HYAL4: variants seen among roughly 807,000 people sequenced by gnomAD.
HYAL4 encodes the protein hyaluronidase-4.
HYAL4 carries 37 observed loss-of-function variants against 35.2 expected under a neutral mutation model. The observed-to-expected ratio is 1.05, with a 90% CI of 0.81 to 1.38. HYAL4 has a LOEUF of 1.38. Ranked by LOEUF, HYAL4 falls within the 40% of genes most tolerant of loss-of-function variation. The pLI, the probability that HYAL4 is intolerant of heterozygous loss-of-function variation, is 0.00. For synonymous variants in HYAL4, 198 were observed against 203.2 expected (o/e 0.97, Z 0.22); for missense variants, 572 against 572.4 (o/e 1.00, Z 0.01).
intron 2 of HYAL4, among the ~76,000 whole-genome samples, chr7:123,855,654 G>A (rs528419648): frequency 1.3e-5 from 2 of 152,028 alleles, no homozygotes; most frequent in East Asian, 3.9e-4. Flanking sequence ...TTTAACCTTG[G>A]GTAATCTGAC....
At chr7:123,805,740 G>T in the HYAL4 span, among the ~76,000 whole-genome samples, 1 of 152,154 alleles carries the variant, frequency 6.6e-6, no homozygotes, top group African/African-American at 2.4e-5. Flanking sequence ...GTTACATTAT[G>T]TAATATATTT....
chr7:123,786,724 A>G, the HYAL4 span, among the ~76,000 whole-genome samples: 2 of 151,396 alleles, frequency 1.3e-5, no homozygotes, highest in Admixed American at 6.6e-5. Flanking sequence ...CTATCTATCT[A>G]TCTATCTATC....
At chr7:123,780,369 A>G in the HYAL4 span, among the ~76,000 whole-genome samples, 1 of 152,182 alleles carries the variant, frequency 6.6e-6, no homozygotes, top group South Asian at 2.1e-4. Flanking sequence ...TTCCCTATTT[A>G]ATAAAACAGG....
intron 1 of HYAL4, among the ~76,000 whole-genome samples, chr7:123,832,192 C>T (rs1245633400): frequency 6.6e-6 from 1 of 152,076 alleles, no homozygotes; most frequent in African/African-American, 2.4e-5. Flanking sequence ...AATTTGTCCT[C>T]CACCCATTTC....
chr7:123,832,549 G>T (rs527673131), intron 1 of HYAL4, among the ~76,000 whole-genome samples: 13 of 129,602 alleles, frequency 1.0e-4, no homozygotes, highest in African/African-American at 3.8e-4. Flanking sequence ...GCTCAGGCTG[G>T]AGTGCAGCGG....
the HYAL4 span, among the ~76,000 whole-genome samples, chr7:123,772,243 T>A: frequency 6.6e-6 from 1 of 152,182 alleles, no homozygotes; most frequent in Non-Finnish European, 1.5e-5. Flanking sequence ...TCCTACTGGT[T>A]TTGTTTCTCT....
At chr7:123,832,287 T>A (rs147224101) in intron 1 of HYAL4, among the ~76,000 whole-genome samples, 1 of 151,986 alleles carries the variant, frequency 6.6e-6, no homozygotes, top group African/African-American at 2.4e-5. Context: ...TTCTTAAAAT[T>A]TTTTTTATTT....
chr7:123,796,901 T>C, the HYAL4 span, among the ~76,000 whole-genome samples: 6 of 152,166 alleles, frequency 3.9e-5, no homozygotes, highest in African/African-American at 1.4e-4. Context: ...GGCAAATCTA[T>C]GAAGATAGAA....
the HYAL4 span, among the ~76,000 whole-genome samples, chr7:123,781,188 C>G: frequency 2.3e-5 from 1 of 43,602 alleles, no homozygotes; most frequent in Non-Finnish European, 4.1e-5. Context: ...ATTGTATGCT[C>G]CATCTACTGA....
chr7:123,779,527 AAAT>A, the HYAL4 span, among the ~76,000 whole-genome samples: 1 of 152,138 alleles, frequency 6.6e-6, no homozygotes. Flanking sequence ...AATATAATGA[AAAT>A]AATGGTGATG....
the HYAL4 span, among the ~76,000 whole-genome samples, chr7:123,790,350 G>A: frequency 6.6e-6 from 1 of 152,176 alleles, no homozygotes; most frequent in South Asian, 2.1e-4. Flanking sequence ...TGACAAATCT[G>A]AGGCACAGAG....
At chr7:123,871,144 A>G (rs1168650771) in intron 3 of HYAL4, among the ~76,000 whole-genome samples, 1 of 151,692 alleles carries the variant, frequency 6.6e-6, no homozygotes, top group African/African-American at 2.4e-5. Context: ...GTTTTAAACT[A>G]TAAGTGTACC....
At chr7:123,860,914 T>A (rs1406045424) in intron 2 of HYAL4, among the ~76,000 whole-genome samples, 1 of 152,204 alleles carries the variant, frequency 6.6e-6, no homozygotes, top group East Asian at 1.9e-4. Flanking sequence ...GAGAGATAGA[T>A]GATAGGTTGC....
chr7:123,840,055 CTT>C (rs2116914792), upstream of HYAL4, among the ~76,000 whole-genome samples: 1 of 152,314 alleles, frequency 6.6e-6, no homozygotes, highest in East Asian at 1.9e-4. Flanking sequence ...GTCATGTAGT[CTT>C]TGCCCATGCC....
At chr7:123,780,604 T>G in the HYAL4 span, among the ~76,000 whole-genome samples, 4 of 152,162 alleles carry the variant, frequency 2.6e-5, no homozygotes, top group East Asian at 5.8e-4. Flanking sequence ...GTTTTAGAAC[T>G]CTCCCTCCAA....
In HYAL4 at chr7:123,868,145, TATA is replaced by T. The variant is rs72308055; in HGVS notation, c.-51-68_-51-66del. ...GTGATACACTTTACAAATAGTCATA[TATA>T]ATAATAATATCTATTTATTATTTGA... On this transcript the variant is annotated intron_variant, in intron 2 of 4. Transcript: ENST00000223026. The T allele has an allele frequency of 1.4e-3, 667 of 465,074 alleles. 7 individuals carry two copies. Among genetic ancestry groups the T allele is most frequent in the African/African-American group, 0.012 (606 of 49,816 alleles). The allele number at this position is 465,074 out of a possible 1,614,324, so 28.8% of individuals were successfully genotyped here. A position where few individuals can be genotyped will look rare whatever the true frequency, so the allele number is the denominator to read the frequency against.
At chr7:123,844,362 T>C (rs940702374), upstream of HYAL4, 9 of 152,130 alleles carry the variant, frequency 5.9e-5, no homozygotes, top group Non-Finnish European at 2.9e-5. Flanking sequence ...GAGCAAATAT[T>C]GCTGAACAAC....
chr7:123,840,467 T>C (rs550120769), upstream of HYAL4, among the ~76,000 whole-genome samples: 6 of 150,954 alleles, frequency 4.0e-5, no homozygotes, highest in Admixed American at 2.6e-4. Flanking sequence ...CTTGGCAATG[T>C]GGGCTCTTTT....
Position 123,857,734 on chromosome 7 carries a change from A to T in HYAL4, c.-52+9576A>T, listed in dbSNP as rs367776440. Among the ~76,000 whole-genome samples, 149 of 97,638 alleles carry T rather than the reference A, an allele frequency of 1.5e-3. 1 individual carries two copies. In the East Asian group the frequency reaches 0.031, roughly 20 times the overall value. The allele number at this position is 97,638 out of a possible 152,430, so 64.1% of individuals were successfully genotyped here. A position where few individuals can be genotyped will look rare whatever the true frequency, so the allele number is the denominator to read the frequency against. ...CTTTCTTTCTTTCTTTCTTTCTTTCAATAGAAACAAAACATAATTCAGTTG... is the reference window on the plus strand; with the variant it reads ...CTTTCTTTCTTTCTTTCTTTCTTTCTATAGAAACAAAACATAATTCAGTTG... On this transcript the variant is annotated intron_variant, in intron 2 of 4. Coordinates refer to ENST00000223026, the MANE Select transcript of HYAL4 (RefSeq NM_012269.3).
Sources: gnomAD v4.1 joint callset for allele counts (sites outside exome capture counted in the v4.1 genomes callset) on GRCh38, gnomAD v4.1.1 for gene constraint, MANE v1.5 for transcripts, NCBI Gene and HGNC (gene_info 2026-07-23, HGNC 2026-07-21) for gene names.